NUDT9: variants seen among roughly 807,000 people sequenced by gnomAD.
The protein encoded by NUDT9 is nudix hydrolase 9.
Under a neutral mutation model 41.0 loss-of-function variants are expected in NUDT9, and 31 were observed. The observed-to-expected ratio is 0.76, with a 90% CI of 0.57 to 1.02. The LOEUF is 1.02. Ranked by LOEUF, NUDT9 falls within the 50% of genes least tolerant of loss-of-function variation. The pLI is 0.00. For missense variants in NUDT9, 380 were observed against 431.4 expected (o/e 0.88, Z 1.06); for synonymous variants, 146 against 147.6 (o/e 0.99, Z 0.08).
chr4:87,426,958 A>G (rs920445144), intron 1 of NUDT9, among the ~76,000 whole-genome samples: 3 of 147,540 alleles, frequency 2.0e-5, no homozygotes, highest in East Asian at 2.0e-4. Flanking sequence ...AAAAAACTAA[A>G]CCAAAAAAAA....
chr4:87,438,139 A>G (rs1433983518), intron 2 of NUDT9, 138 bp from the exon 3 acceptor site: 29 of 155,656 alleles, frequency 1.9e-4, no homozygotes, highest in African/African-American at 8.3e-4. Context: ...TGGATTTGTG[A>G]AAAAAAAAAA....
intron 4 of NUDT9, among the ~76,000 whole-genome samples, chr4:87,445,830 C>G (rs765604866): frequency 6.6e-5 from 10 of 152,096 alleles, no homozygotes; most frequent in Non-Finnish European, 1.3e-4. Flanking sequence ...AGAAGCTACT[C>G]TGCTTAAAAT....
At chr4:87,429,151 G>A (rs553517981) in intron 1 of NUDT9, among the ~76,000 whole-genome samples, 1 of 152,140 alleles carries the variant, frequency 6.6e-6, no homozygotes, top group East Asian at 1.9e-4. Context: ...TAATTAAAAA[G>A]GTTTCTTATT....
At chr4:87,451,531 A>G in intron 5 of NUDT9, 58 bp from the exon 6 acceptor site, 3 of 1,387,838 alleles carry the variant, frequency 2.2e-6, no homozygotes, top group Admixed American at 3.8e-5. Flanking sequence ...CTCAATAAAT[A>G]TTTGTTGAAC....
intron 4 of NUDT9, chr4:87,445,268 C>T (rs1722393894): frequency 6.6e-6 from 1 of 152,168 alleles, no homozygotes; most frequent in South Asian, 2.1e-4. Context: ...TGTACTTTTT[C>T]TGTTACACCA....
At chr4:87,437,600 C>A (rs1020281940) in intron 2 of NUDT9, among the ~76,000 whole-genome samples, 1 of 151,888 alleles carries the variant, frequency 6.6e-6, no homozygotes, top group East Asian at 1.9e-4. Context: ...CCTTGGCCTC[C>A]CAAAGTGCTG....
chr4:87,441,102 T>G (rs1462139881), intron 3 of NUDT9, among the ~76,000 whole-genome samples: 1 of 152,182 alleles, frequency 6.6e-6, no homozygotes, highest in African/African-American at 2.4e-5. Flanking sequence ...TTATTTACTT[T>G]CATATAGTGG....
At chr4:87,446,629 C>T (rs915766341) in intron 4 of NUDT9, among the ~76,000 whole-genome samples, 2 of 152,086 alleles carry the variant, frequency 1.3e-5, no homozygotes, top group Non-Finnish European at 2.9e-5. Context: ...CCAGATTGTC[C>T]AGGTTCAAAG....
chr4:87,448,552 T>A (rs931896266), intron 4 of NUDT9, among the ~76,000 whole-genome samples: 2 of 152,042 alleles, frequency 1.3e-5, no homozygotes, highest in Non-Finnish European at 2.9e-5. Flanking sequence ...CACCATCTTA[T>A]CTCAGTGCAA....
chr4:87,459,011 A>C lies in NUDT9; in HGVS notation c.*990A>C, dbSNP rs1454179719. 6.6e-6 allele frequency: 1 copy of C among 152,232 alleles called. No homozygotes were observed. The highest frequency in any genetic ancestry group is 2.1e-4 in the South Asian group (1 of 4,830). The allele number at this position is 152,232 out of a possible 1,614,324, so 9.4% of individuals were successfully genotyped here. On this transcript the variant is annotated 3_prime_UTR_variant, in exon 8 of 8. Coordinates refer to ENST00000302174, the MANE Select transcript of NUDT9 (RefSeq NM_024047.5). The stretch of plus-strand genomic sequence containing the variant: ...TCACGTGTATGTTCATTGCTGCACT[A>C]TTCACAATAGCGAAGACATGAAATC...
At position 87,430,605 on chromosome 4, in the gene NUDT9, TG is replaced by T. The variant is rs201935884; in HGVS notation, c.108-4375del. ...CCTTGCCAATACTTATTTTCTGTATTGTTTTTTTGATAGTGGTCATTCTAAT... is the reference window on the plus strand; with the variant it reads ...CCTTGCCAATACTTATTTTCTGTATTTTTTTTTGATAGTGGTCATTCTAAT... On this transcript the variant is annotated intron_variant, in intron 1 of 7. Coordinates refer to ENST00000302174, the MANE Select transcript of NUDT9 (RefSeq NM_024047.5). Among the ~76,000 whole-genome samples, 1,461 of 152,338 alleles carry T rather than the reference TG, an allele frequency of 9.6e-3. 18 individuals are homozygous for T. The highest frequency in any genetic ancestry group is 0.029 in the African/African-American group (1,224 of 41,574).
chr4:87,438,493 G>T, intron 3 of NUDT9, 121 bp downstream of exon 3: 1 of 540,716 alleles, frequency 1.8e-6, no homozygotes, highest in South Asian at 2.3e-5. Flanking sequence ...CATATGTGAT[G>T]TAATTAAATC....
chr4:87,456,718 T>C (rs1578082996), intron 7 of NUDT9, among the ~76,000 whole-genome samples: 1 of 152,284 alleles, frequency 6.6e-6, no homozygotes, highest in Non-Finnish European at 1.5e-5. Context: ...TGTGATTCTC[T>C]GTATTTGCCT....
intron 1 of NUDT9, among the ~76,000 whole-genome samples, chr4:87,433,656 G>C (rs1721782673): frequency 6.6e-6 from 1 of 152,166 alleles, no homozygotes; most frequent in African/African-American, 2.4e-5. Flanking sequence ...TTTCCCACTT[G>C]AGATGTCCTA....
At chr4:87,445,569 A>G (rs977529173) in intron 4 of NUDT9, 7 of 152,200 alleles carry the variant, frequency 4.6e-5, no homozygotes, top group Non-Finnish European at 1.0e-4. Context: ...AAGTGTTAAT[A>G]TATTATTGTG....
intron 7 of NUDT9, among the ~76,000 whole-genome samples, chr4:87,456,729 G>T (rs1723006973): frequency 6.6e-6 from 1 of 152,106 alleles, no homozygotes; most frequent in South Asian, 2.1e-4. Flanking sequence ...GTATTTGCCT[G>T]TCTCTCCAGT....
At chr4:87,434,576 T>G (rs2110167328) in intron 1 of NUDT9, among the ~76,000 whole-genome samples, 1 of 152,264 alleles carries the variant, frequency 6.6e-6, no homozygotes, top group East Asian at 1.9e-4. Flanking sequence ...TTCTGATTCT[T>G]AAAGGTTTTT....
chr4:87,440,680 T>C (rs895307503), intron 3 of NUDT9, among the ~76,000 whole-genome samples: 1 of 152,112 alleles, frequency 6.6e-6, no homozygotes. Context: ...ACCCTGTCTC[T>C]ACTAAAAATG....
intron 3 of NUDT9, among the ~76,000 whole-genome samples, chr4:87,440,370 T>G (rs1210676429): frequency 2.0e-5 from 3 of 152,204 alleles, no homozygotes; most frequent in Admixed American, 2.0e-4. Flanking sequence ...TTTGTCTATA[T>G]TTTTGGCTTA....
Sources: gnomAD v4.1 joint callset for allele counts (sites outside exome capture counted in the v4.1 genomes callset) on GRCh38, gnomAD v4.1.1 for gene constraint, MANE v1.5 for transcripts, NCBI Gene and HGNC (gene_info 2026-07-23, HGNC 2026-07-21) for gene names.